KCNJ6: variants seen among roughly 807,000 people sequenced by gnomAD.
KCNJ6 encodes the protein potassium inwardly rectifying channel subfamily J member 6.
Under a neutral mutation model 34.2 loss-of-function variants are expected in KCNJ6, and 9 were observed. The ratio of observed to expected loss-of-function variants is 0.26; its 90% confidence interval spans 0.16 to 0.46. The LOEUF is 0.46. Among genes scored for constraint, KCNJ6 ranks in the 20% least tolerant of loss-of-function variants. The pLI, the probability that KCNJ6 is intolerant of heterozygous loss-of-function variation, is 1.00. For missense variants in KCNJ6, 236 were observed against 531.3 expected, an observed-to-expected ratio of 0.44 and a Z score of 5.46; for synonymous variants, 196 against 207.1, an observed-to-expected ratio of 0.95 and a Z score of 0.46.
At chr21:37,628,052 A>C (rs1403810050) in intron 3 of KCNJ6, among the ~76,000 whole-genome samples, 2 of 152,232 alleles carry the variant, frequency 1.3e-5, no homozygotes, top group African/African-American at 2.4e-5. Context: ...AAAACTCTGA[A>C]AAGGAGGGAG....
intron 3 of KCNJ6, among the ~76,000 whole-genome samples, chr21:37,709,033 ATT>A (rs1283693607): frequency 6.6e-6 from 1 of 152,188 alleles, no homozygotes; most frequent in Non-Finnish European, 1.5e-5. Context: ...TTTAATTTTG[ATT>A]TCAGAATTGT....
At chr21:37,908,166 G>A (rs528047224) in intron 1 of KCNJ6, among the ~76,000 whole-genome samples, 2 of 152,300 alleles carry the variant, frequency 1.3e-5, no homozygotes, top group East Asian at 1.9e-4. Flanking sequence ...TAAGAGAACC[G>A]GAAGTATTAT....
intron 2 of KCNJ6, among the ~76,000 whole-genome samples, chr21:37,830,442 C>A (rs1401315515): frequency 6.6e-6 from 1 of 152,118 alleles, no homozygotes; most frequent in African/African-American, 2.4e-5. Context: ...TGACTTTGCT[C>A]CCCCAGGGAA....
chr21:37,849,550 C>T (rs1361374824), intron 1 of KCNJ6, among the ~76,000 whole-genome samples: 1 of 152,166 alleles, frequency 6.6e-6, no homozygotes, highest in Non-Finnish European at 1.5e-5. Context: ...CTCTGCACTC[C>T]CAGCTCCCCG....
intron 3 of KCNJ6, among the ~76,000 whole-genome samples, chr21:37,636,197 G>T (rs1336292707): frequency 6.6e-6 from 1 of 152,152 alleles, no homozygotes. Context: ...ACCCACACAG[G>T]TGAGGGCAGA....
intron 1 of KCNJ6, among the ~76,000 whole-genome samples, chr21:37,897,252 C>G (rs2055793486): frequency 6.6e-6 from 1 of 152,216 alleles, no homozygotes; most frequent in East Asian, 1.9e-4. Flanking sequence ...GACTCCTCCC[C>G]TTGCTTAGTG....
chr21:37,624,905 T>C lies in KCNJ6; in HGVS notation c.*254A>G. 1 of 520,714 alleles carries C rather than the reference T, an allele frequency of 1.9e-6. No homozygotes were observed. The allele number at this position is 520,714 out of a possible 1,614,324, so 32.3% of individuals were successfully genotyped here. ...TCCAGGAGTTGGATGTGTAGTATTT[T>C]GGGAGGAGACCAGGCTTGGGCCACA... On this transcript the variant is annotated 3_prime_UTR_variant, in exon 4 of 4. Coordinates refer to ENST00000609713, the MANE Select transcript of KCNJ6 (RefSeq NM_002240.5).
At chr21:37,749,690 T>A (rs183838873) in intron 2 of KCNJ6, among the ~76,000 whole-genome samples, 2 of 152,306 alleles carry the variant, frequency 1.3e-5, no homozygotes, top group East Asian at 3.9e-4. Context: ...GGGGTCATGA[T>A]CCAAAGGAAC....
chr21:37,718,124 C>T (rs2054803885), intron 2 of KCNJ6, among the ~76,000 whole-genome samples: 1 of 152,132 alleles, frequency 6.6e-6, no homozygotes, highest in Non-Finnish European at 1.5e-5. Flanking sequence ...GAGTCTTGGC[C>T]CATCTGGAGT....
At chr21:37,872,015 GT>G (rs1005662439) in intron 1 of KCNJ6, among the ~76,000 whole-genome samples, 25 of 151,490 alleles carry the variant, frequency 1.7e-4, no homozygotes, top group Non-Finnish European at 2.8e-4. Flanking sequence ...ATACAGTTCA[GT>G]TTTTTTTTGA....
At chr21:37,899,905 A>G (rs1050560266) in intron 1 of KCNJ6, among the ~76,000 whole-genome samples, 1 of 152,212 alleles carries the variant, frequency 6.6e-6, no homozygotes, top group African/African-American at 2.4e-5. Flanking sequence ...GTCTGATGTT[A>G]ATTCCTCCTT....
chr21:37,869,951 G>A (rs1181693870), intron 1 of KCNJ6, among the ~76,000 whole-genome samples: 1 of 152,166 alleles, frequency 6.6e-6, no homozygotes, highest in Non-Finnish European at 1.5e-5. Context: ...ATAGATAGTA[G>A]GAAGTGAAAA....
intron 2 of KCNJ6, among the ~76,000 whole-genome samples, chr21:37,796,341 A>G (rs2055241922): frequency 6.6e-6 from 1 of 152,210 alleles, no homozygotes; most frequent in Admixed American, 6.5e-5. Flanking sequence ...CTCCATTAAA[A>G]TGGATCAACC....
chr21:37,697,040 G>A (rs1190850079), intron 3 of KCNJ6, among the ~76,000 whole-genome samples: 1 of 152,196 alleles, frequency 6.6e-6, no homozygotes, highest in Non-Finnish European at 1.5e-5. Flanking sequence ...CCACAGTCAG[G>A]CCAAGAGGTA....
chr21:37,903,331 C>T (rs1055898338), intron 1 of KCNJ6, among the ~76,000 whole-genome samples: 3 of 152,180 alleles, frequency 2.0e-5, no homozygotes, highest in Admixed American at 2.0e-4. Flanking sequence ...AGCTCTCTTG[C>T]CTGTCACCAT....
At chr21:37,643,372 A>G (rs2054389687) in intron 3 of KCNJ6, among the ~76,000 whole-genome samples, 1 of 152,204 alleles carries the variant, frequency 6.6e-6, no homozygotes, top group Non-Finnish European at 1.5e-5. Flanking sequence ...TGGCCATCAG[A>G]CCAAGACACT....
At chr21:37,906,554 C>T (rs956863255) in intron 1 of KCNJ6, among the ~76,000 whole-genome samples, 2 of 152,168 alleles carry the variant, frequency 1.3e-5, no homozygotes, top group Non-Finnish European at 2.9e-5. Flanking sequence ...GGGGGGTGAG[C>T]TTGAGAATTT....
At chr21:37,794,962 C>T (rs1197716625) in intron 2 of KCNJ6, among the ~76,000 whole-genome samples, 1 of 151,940 alleles carries the variant, frequency 6.6e-6, no homozygotes, top group African/African-American at 2.4e-5. Flanking sequence ...TGCAATTCCG[C>T]CCATGAATGA....
intron 1 of KCNJ6, among the ~76,000 whole-genome samples, chr21:37,906,746 AT>A (rs2055843655): frequency 6.6e-6 from 1 of 152,146 alleles, no homozygotes; most frequent in Non-Finnish European, 1.5e-5. Flanking sequence ...TTGAGTGCTG[AT>A]TAAAAAAGAG....
Sources: gnomAD v4.1 joint callset for allele counts (sites outside exome capture counted in the v4.1 genomes callset) on GRCh38, gnomAD v4.1.1 for gene constraint, MANE v1.5 for transcripts, NCBI Gene and HGNC (gene_info 2026-07-23, HGNC 2026-07-21) for gene names.